Variants in ADAMTSL1 observed in about 807,000 individuals in gnomAD.
ADAMTSL1 encodes ADAMTS-like protein 1.
In ADAMTSL1, 126 loss-of-function variants were observed where a neutral mutation model predicts 201.8. That is an observed-to-expected ratio of 0.62 (90% CI 0.54 to 0.72). ADAMTSL1 has a LOEUF of 0.72. Among genes scored for constraint, ADAMTSL1 ranks in the 30% least tolerant of loss-of-function variants. ADAMTSL1 has a pLI of 0.00. For missense variants in ADAMTSL1, 2,679 were observed against 2,277.8 expected (o/e 1.18, Z -3.59); for synonymous variants, 1,121 against 903.4 (o/e 1.24, Z -4.32).
intron 1 of ADAMTSL1, among the ~76,000 whole-genome samples, chr9:18,143,038 A>C (rs960271689): frequency 1.3e-5 from 2 of 152,196 alleles, no homozygotes; most frequent in African/African-American, 4.8e-5. Flanking sequence ...AGGATGATGC[A>C]GGTCTGTCGA....
intron 1 of ADAMTSL1, among the ~76,000 whole-genome samples, chr9:18,135,757 A>G (rs570204533): frequency 6.6e-6 from 1 of 152,300 alleles, no homozygotes; most frequent in Non-Finnish European, 1.5e-5. Context: ...ATACACATAT[A>G]CACACACCAC....
At chr9:18,414,515 C>A (rs192530994) in intron 2 of ADAMTSL1, among the ~76,000 whole-genome samples, 1 of 152,054 alleles carries the variant, frequency 6.6e-6, no homozygotes, top group Non-Finnish European at 1.5e-5. Flanking sequence ...ATGTGTGAAA[C>A]AATGGTTTTT....
At chr9:18,459,377 A>G (rs1275768897) in intron 2 of ADAMTSL1, among the ~76,000 whole-genome samples, 1 of 152,130 alleles carries the variant, frequency 6.6e-6, no homozygotes, top group Non-Finnish European at 1.5e-5. Context: ...TCTCGATCCT[A>G]GTTTACTAGC....
intron 26 of ADAMTSL1, among the ~76,000 whole-genome samples, chr9:18,896,212 C>G (rs1480904032): frequency 2.0e-5 from 3 of 152,036 alleles, no homozygotes; most frequent in Non-Finnish European, 4.4e-5. Flanking sequence ...CATGAATCTA[C>G]AAATCCAAGA....
rs1437542264 is a variant in ADAMTSL1, at chr9:18,503,360, A to G, written c.64-1469A>G. 2.7e-5 allele frequency among the ~76,000 whole-genome samples: 4 copies of G among 146,782 alleles called. No homozygotes were observed. In the East Asian group the frequency reaches 8.1e-4, roughly 30 times the overall value. On this transcript the variant is annotated intron_variant, in intron 1 of 28. Coordinates refer to ENST00000380548, the MANE Select transcript of ADAMTSL1 (RefSeq NM_001040272.6). ...ACTTCGTGTCATGTCTTTAAGTTTC[A>G]TTCATGTTGAACCTGCATCTAAATT...
chr9:18,643,533 A>G (rs1827582475), intron 7 of ADAMTSL1, among the ~76,000 whole-genome samples: 1 of 152,064 alleles, frequency 6.6e-6, no homozygotes, highest in Non-Finnish European at 1.5e-5. Context: ...TAGTAATTTT[A>G]TAGTTTCAGG....
Position 18,403,511 on chromosome 9 carries a change from C to T in ADAMTSL1, c.208-101318C>T, listed in dbSNP as rs536832606. On this transcript the variant is annotated intron_variant, in intron 2 of 29. Transcript: ENST00000680146. ...TCCCCATTTAATTTTAAGTTAGCTCCTCAAGGAAGGAGACCTTGACCAATT... is the reference window on the plus strand; with the variant it reads ...TCCCCATTTAATTTTAAGTTAGCTCTTCAAGGAAGGAGACCTTGACCAATT... Among the ~76,000 whole-genome samples, 4 of 152,240 alleles carry T rather than the reference C, an allele frequency of 2.6e-5. No homozygotes were observed. The East Asian group carries it at 7.7e-4, about 29-fold the overall frequency.
intron 2 of ADAMTSL1, among the ~76,000 whole-genome samples, chr9:18,414,731 C>A (rs953762493): frequency 6.6e-6 from 1 of 152,128 alleles, no homozygotes; most frequent in Non-Finnish European, 1.5e-5. Flanking sequence ...AGAGTACCAA[C>A]AAGGAGATAA....
intron 14 of ADAMTSL1, among the ~76,000 whole-genome samples, chr9:18,719,222 A>G (rs1587976858): frequency 6.6e-6 from 1 of 152,238 alleles, no homozygotes; most frequent in African/African-American, 2.4e-5. Flanking sequence ...CAAATGCTCC[A>G]CCCTGAACTG....
At chr9:17,956,272 C>G (rs1827928520) in intron 1 of ADAMTSL1, among the ~76,000 whole-genome samples, 1 of 152,080 alleles carries the variant, frequency 6.6e-6, no homozygotes, top group Non-Finnish European at 1.5e-5. Flanking sequence ...GTCTCGTGAT[C>G]AATTACCTAC....
At chr9:17,908,669 G>A (rs1825817099) in intron 1 of ADAMTSL1, among the ~76,000 whole-genome samples, 1 of 152,270 alleles carries the variant, frequency 6.6e-6, no homozygotes, top group East Asian at 1.9e-4. Flanking sequence ...TGCTGGCCAG[G>A]CTAGTCTCAA....
At chr9:18,319,210 A>G (rs1042724441) in intron 2 of ADAMTSL1, among the ~76,000 whole-genome samples, 13 of 152,228 alleles carry the variant, frequency 8.5e-5, no homozygotes, top group Non-Finnish European at 1.8e-4. Flanking sequence ...CTATTTAAAA[A>G]AAAGAAAAAG....
chr9:18,296,741 C>T (rs990292208), intron 2 of ADAMTSL1, among the ~76,000 whole-genome samples: 5 of 152,166 alleles, frequency 3.3e-5, no homozygotes, highest in African/African-American at 1.2e-4. Flanking sequence ...AAATAGTCCA[C>T]AGAGCCAGGA....
At chr9:18,605,387 A>T (rs1824947300) in intron 4 of ADAMTSL1, among the ~76,000 whole-genome samples, 1 of 152,232 alleles carries the variant, frequency 6.6e-6, no homozygotes, top group Admixed American at 6.5e-5. Flanking sequence ...TTGTAGATGA[A>T]AAAGCGGTTA....
chr9:18,851,668 C>G (rs1014165369), intron 23 of ADAMTSL1, among the ~76,000 whole-genome samples: 8 of 152,186 alleles, frequency 5.3e-5, no homozygotes, highest in African/African-American at 1.9e-4. Context: ...TGTGTCCTGT[C>G]TCTTCTGATT....
intron 1 of ADAMTSL1, among the ~76,000 whole-genome samples, chr9:18,494,580 C>A (rs1458177266): frequency 1.3e-5 from 2 of 152,030 alleles, no homozygotes; most frequent in African/African-American, 4.8e-5. Context: ...GAATCATGAC[C>A]AATTACTGAA....
At chr9:18,073,292 G>A (rs756038873) in intron 1 of ADAMTSL1, among the ~76,000 whole-genome samples, 26 of 152,186 alleles carry the variant, frequency 1.7e-4, no homozygotes, top group Non-Finnish European at 3.4e-4. Flanking sequence ...GGAGCTGAGT[G>A]ATTCAGCCTG....
In ADAMTSL1 at chr9:18,465,514, A is replaced by C. The variant is rs191540751; in HGVS notation, c.208-39315A>C. Among the ~76,000 whole-genome samples, 50 of 152,308 alleles carry C rather than the reference A, an allele frequency of 3.3e-4. 1 individual carries two copies. Among genetic ancestry groups the C allele is most frequent in the African/African-American group, 1.2e-3 (48 of 41,574 alleles). The stretch of plus-strand genomic sequence containing the variant: ...CATCATTTCAGCCACACACGTGGAA[A>C]AAAGGAAAAAGGGAGAGAGGGTATG... On this transcript the variant is annotated intron_variant, in intron 2 of 29. Coordinates refer to the ADAMTSL1 transcript ENST00000680146.
intron 1 of ADAMTSL1, among the ~76,000 whole-genome samples, chr9:18,088,251 T>C (rs1196347545): frequency 6.6e-6 from 1 of 152,158 alleles, no homozygotes; most frequent in Non-Finnish European, 1.5e-5. Context: ...CAACTTTAAG[T>C]AGATTAAATA....
Sources: allele counts gnomAD v4.1 joint callset (sites outside exome capture counted in the v4.1 genomes callset), GRCh38; gene constraint gnomAD v4.1.1; transcripts MANE v1.5; gene names NCBI Gene and HGNC (gene_info 2026-07-23, HGNC 2026-07-21).